Variants in RASA1 observed in about 807,000 individuals in gnomAD.
RASA1 encodes the protein ras GTPase-activating protein 1.
Under a neutral mutation model 132.2 loss-of-function variants are expected in RASA1, and 25 were observed. That is an observed-to-expected ratio of 0.19 (90% CI 0.14 to 0.26). RASA1 has a LOEUF of 0.26. Among genes scored for constraint, RASA1 ranks in the 10% least tolerant of loss-of-function variants. The pLI is 1.00. For synonymous variants in RASA1, 477 were observed against 449.9 expected (o/e 1.06, Z -0.76); for missense variants, 964 against 1,299.2 (o/e 0.74, Z 3.97).
At chr5:87,389,571 A>T in intron 24 of RASA1, 44 bp downstream of exon 24, 1 of 1,605,394 alleles carries the variant, frequency 6.2e-7, no homozygotes, top group South Asian at 1.1e-5. Flanking sequence ...TTTCAAAGAT[A>T]ACACTTAGAG....
chr5:87,375,718 A>T (rs1219705538), intron 15 of RASA1, among the ~76,000 whole-genome samples: 2 of 152,178 alleles, frequency 1.3e-5, no homozygotes, highest in African/African-American at 4.8e-5. Context: ...AAAACAGTTG[A>T]CAGTGAGATT....
intron 1 of RASA1, among the ~76,000 whole-genome samples, chr5:87,316,909 G>A (rs1756383667): frequency 6.6e-6 from 1 of 151,144 alleles, no homozygotes; most frequent in Non-Finnish European, 1.5e-5. Flanking sequence ...TGGAGAAAGA[G>A]TCTTGCTCTG....
intron 1 of RASA1, among the ~76,000 whole-genome samples, chr5:87,330,143 A>G (rs1366839378): frequency 3.3e-5 from 5 of 152,164 alleles, no homozygotes; most frequent in African/African-American, 1.2e-4. Flanking sequence ...ATAGGGCTCT[A>G]AATAAATAGC....
chr5:87,292,191 C>T (rs1048000857), intron 1 of RASA1, among the ~76,000 whole-genome samples: 4 of 151,968 alleles, frequency 2.6e-5, no homozygotes, highest in Admixed American at 6.6e-5. Flanking sequence ...CCAGCTTATT[C>T]GTTTTTTCTT....
intron 11 of RASA1, among the ~76,000 whole-genome samples, chr5:87,368,356 A>G (rs1760680734): frequency 6.6e-6 from 1 of 152,038 alleles, no homozygotes; most frequent in African/African-American, 2.4e-5. Flanking sequence ...TATTTTCTTA[A>G]ACATTTTAAT....
chr5:87,319,970 T>C (rs930430449), intron 1 of RASA1, among the ~76,000 whole-genome samples: 2 of 152,230 alleles, frequency 1.3e-5, no homozygotes, highest in African/African-American at 2.4e-5. Context: ...AGGTCACATC[T>C]TGAATGCTTT....
At chr5:87,305,107 T>C (rs1755549167) in intron 1 of RASA1, among the ~76,000 whole-genome samples, 1 of 152,142 alleles carries the variant, frequency 6.6e-6, no homozygotes, top group Non-Finnish European at 1.5e-5. Flanking sequence ...TTCTCTCTGC[T>C]TTCCAGTATT....
At chr5:87,323,086 A>C (rs556373348) in intron 1 of RASA1, among the ~76,000 whole-genome samples, 2 of 152,306 alleles carry the variant, frequency 1.3e-5, no homozygotes, top group South Asian at 2.1e-4. Context: ...TAGAGGTTAT[A>C]ATTTGAGCTG....
chr5:87,356,108 A>G (rs1256875809), intron 9 of RASA1, among the ~76,000 whole-genome samples: 1 of 152,198 alleles, frequency 6.6e-6, no homozygotes, highest in African/African-American at 2.4e-5. Context: ...TATTCTATAA[A>G]CTTAACTTGA....
intron 1 of RASA1, among the ~76,000 whole-genome samples, chr5:87,304,078 T>C (rs1456615411): frequency 6.6e-6 from 1 of 152,106 alleles, no homozygotes; most frequent in African/African-American, 2.4e-5. Context: ...CTGGTGATCC[T>C]CCTGCCTCAG....
chr5:87,320,010 C>G (rs1456539461), intron 1 of RASA1, among the ~76,000 whole-genome samples: 4 of 152,110 alleles, frequency 2.6e-5, no homozygotes, highest in Non-Finnish European at 5.9e-5. Context: ...TGCCAGGTAC[C>G]CTAAATCATC....
chr5:87,317,999 TC>T (rs1756478353), intron 1 of RASA1, among the ~76,000 whole-genome samples: 1 of 152,020 alleles, frequency 6.6e-6, no homozygotes, highest in Non-Finnish European at 1.5e-5. Context: ...TTTTCAAATA[TC>T]CCCCCTTTAT....
At chr5:87,304,360 C>T (rs1378287116) in intron 1 of RASA1, among the ~76,000 whole-genome samples, 1 of 152,060 alleles carries the variant, frequency 6.6e-6, no homozygotes, top group Non-Finnish European at 1.5e-5. Context: ...TTACAGTCTA[C>T]TGAAAATATT....
chr5:87,273,228 A>G lies in RASA1; in HGVS notation c.539+4238A>G, dbSNP rs566855319. ...GTGAATCATTAGTCTCATTTTTATT[A>G]CTGAGCATTTTCATTAGTTTGGTTG... On this transcript the variant is annotated intron_variant, in intron 1 of 24. Transcript: ENST00000274376. 4.6e-5 allele frequency among the ~76,000 whole-genome samples: 7 copies of G among 152,216 alleles called. No individual in the cohort carries two copies. The East Asian group carries it at 1.3e-3, about 29-fold the overall frequency.
chr5:87,306,885 G>GTC, intron 1 of RASA1, among the ~76,000 whole-genome samples: 1 of 151,860 alleles, frequency 6.6e-6, no homozygotes, highest in Non-Finnish European at 1.5e-5. Context: ...TTGAGACAGG[G>GTC]TCTCACTCTG....
intron 12 of RASA1, among the ~76,000 whole-genome samples, chr5:87,370,671 T>G (rs1049770891): frequency 2.6e-5 from 4 of 152,132 alleles, no homozygotes; most frequent in African/African-American, 9.7e-5. Flanking sequence ...TAAAAAATTT[T>G]TTTGCTTTCT....
At chr5:87,284,018 C>T (rs1448408221) in intron 1 of RASA1, among the ~76,000 whole-genome samples, 4 of 152,136 alleles carry the variant, frequency 2.6e-5, no homozygotes, top group Non-Finnish European at 5.9e-5. Flanking sequence ...TCAACAAATA[C>T]CTCCTTAAGG....
At chr5:87,330,360 TAAAC>T (rs1419739902) in intron 1 of RASA1, among the ~76,000 whole-genome samples, 2 of 152,124 alleles carry the variant, frequency 1.3e-5, no homozygotes, top group Non-Finnish European at 2.9e-5. Context: ...AGATTACAAA[TAAAC>T]TTTGGTAAAG....
intron 1 of RASA1, among the ~76,000 whole-genome samples, chr5:87,322,936 TTG>T (rs1480507964): frequency 6.6e-6 from 1 of 152,152 alleles, no homozygotes; most frequent in Admixed American, 6.5e-5. Context: ...GTCTGTGTGT[TTG>T]TGGAGATATT....
Sources: allele counts gnomAD v4.1 joint callset (sites outside exome capture counted in the v4.1 genomes callset), GRCh38; gene constraint gnomAD v4.1.1; transcripts MANE v1.5; gene names NCBI Gene and HGNC (gene_info 2026-07-23, HGNC 2026-07-21).